The following DOT1L variants were observed in gnomAD, a reference collection of about 807,000 sequenced individuals.
The protein encoded by DOT1L is DOT1 like histone lysine methyltransferase, also known as histone-lysine N-methyltransferase, H3 lysine-79 specific.
In DOT1L, 33 loss-of-function variants were observed where a neutral mutation model predicts 153.3. The observed-to-expected ratio is 0.22, with a 90% CI of 0.16 to 0.29. The LOEUF (loss-of-function observed/expected upper bound fraction) is 0.29. DOT1L is among the 10% of genes least tolerant of loss of function. The pLI is 1.00. For synonymous variants in DOT1L, 1,135 were observed against 965.1 expected, an observed-to-expected ratio of 1.18 and a Z score of -3.26; for missense variants, 1,847 against 2,119.9, an observed-to-expected ratio of 0.87 and a Z score of 2.53.
intron 6 of DOT1L, 46 bp from the exon 7 acceptor site, chr19:2,194,469 C>A: frequency 1.2e-6 from 2 of 1,612,244 alleles, no homozygotes; most frequent in Non-Finnish European, 1.7e-6. Context: ...CCGCGCCTGG[C>A]TTGCCCTGAG....
In DOT1L at chr19:2,222,400, G is replaced by T. The variant is rs759288809; in HGVS notation, c.3231G>T (p.Pro1077=). The T allele has an allele frequency of 6.2e-7, 1 of 1,611,000 alleles. No homozygotes were observed. Among genetic ancestry groups the T allele is most frequent in the Admixed American group, 1.7e-5 (1 of 59,866 alleles). The change falls in exon 24 of 28, where the codon CCG becomes CCT. Residue 1077 remains proline, a synonymous_variant. Transcript: ENST00000398665. The surrounding 1 kb of genome is among the most constrained non-coding windows in gnomAD (Gnocchi z 6.5). ...CCAGCGCCCGTGGGGACTGTGTGCCGAGCCACGGGCAGGACAGTCGCAGGC... is the reference window on the plus strand; with the variant it reads ...CCAGCGCCCGTGGGGACTGTGTGCCTAGCCACGGGCAGGACAGTCGCAGGC... The part of the protein sequence containing the change: ...LTASARGDCV[P]SHGQDSRRRG...
Position 2,232,219 on chromosome 19 carries a change from A to G in DOT1L, c.*2427A>G. Reference sequence around the variant, plus strand: ...TTGCTCAGGAATTGATAGGAACCCTAAAAACTAGGATACCCCCTCCTCGGC... The same window carrying G: ...TTGCTCAGGAATTGATAGGAACCCTGAAAACTAGGATACCCCCTCCTCGGC... On this transcript the variant is annotated 3_prime_UTR_variant, in exon 28 of 28. Coordinates refer to ENST00000398665, the MANE Select transcript of DOT1L (RefSeq NM_032482.3). The G allele has an allele frequency of 4.5e-6, 1 of 220,154 alleles. No individual in the cohort carries two copies. The highest frequency in any genetic ancestry group is 9.1e-6 in the Non-Finnish European group (1 of 109,922). 13.6% of individuals were successfully genotyped at this position (220,154 alleles called of 1,614,324 possible).
chr19:2,226,367 C>T lies in DOT1L; in HGVS notation c.3846C>T (p.Pro1282=). 1 of 1,593,340 alleles carries T rather than the reference C, an allele frequency of 6.3e-7. No homozygotes were observed. The highest frequency in any genetic ancestry group is 8.5e-7 in the Non-Finnish European group (1 of 1,171,932). ...LFTFRPALEE[P]SADAKLAAHP... is the part of the protein sequence containing the mutation. The stretch of plus-strand genomic sequence containing the variant: ...CGTTCCGGCCCGCCCTGGAGGAGCC[C>T]TCTGCCGATGCCAAGCTGGCCGCTC... Residue 1282 remains proline, a synonymous_variant, in exon 27 of 28, where the codon CCC becomes CCT. Transcript: ENST00000398665.
At chr19:2,164,622 A>T (rs1168911525) in intron 1 of DOT1L, among the ~76,000 whole-genome samples, 5 of 132,804 alleles carry the variant, frequency 3.8e-5, no homozygotes, top group Non-Finnish European at 7.9e-5. Flanking sequence ...CGGCGCTGTC[A>T]GTGTGTCCGC....
At chr19:2,173,056 C>G (rs181845527) in intron 1 of DOT1L, among the ~76,000 whole-genome samples, 1 of 152,234 alleles carries the variant, frequency 6.6e-6, no homozygotes, top group Admixed American at 6.5e-5. Flanking sequence ...GCAGTCGTCA[C>G]CATTGTCTAA....
At chr19:2,211,050 C>T (rs779883975) in intron 14 of DOT1L, 49 bp from the exon 15 acceptor site, 4 of 1,570,302 alleles carry the variant, frequency 2.5e-6, no homozygotes, top group South Asian at 2.3e-5. Flanking sequence ...CCTCTGCCCA[C>T]CGCTCTCCCG....
chr19:2,221,431 G>T (rs73516526), intron 23 of DOT1L: 18,811 of 153,674 alleles, frequency 0.12, 1,448 homozygotes, highest in East Asian at 0.27. Context: ...GCCTTGCTGC[G>T]CCCCTGCACT....
intron 22 of DOT1L, among the ~76,000 whole-genome samples, chr19:2,218,601 G>C (rs549582248): frequency 1.3e-5 from 2 of 151,938 alleles, no homozygotes; most frequent in East Asian, 3.9e-4. Context: ...CACCGTGTTA[G>C]CCAGGATGGT....
rs78147107 is a variant in DOT1L at position 2,222,891 on chromosome 19, A to C, written c.3390+332A>C. Reference sequence around the variant, plus strand: ...CTCCCTCTCGGGGGGACAAAAAAAAACACAAAAAAAAACAGGTGGAGGCAG... The same window carrying C: ...CTCCCTCTCGGGGGGACAAAAAAAACCACAAAAAAAAACAGGTGGAGGCAG... On this transcript the variant is annotated intron_variant, in intron 24 of 27. Transcript: ENST00000398665. The surrounding 1 kb of genome is among the most constrained non-coding windows in gnomAD (Gnocchi z 6.5). 18,833 of 380,568 alleles carry C rather than the reference A, an allele frequency of 0.049. 682 individuals carry two copies. The highest frequency in any genetic ancestry group is 0.064 in the Non-Finnish European group (13,484 of 211,652). The allele number at this position is 380,568 out of a possible 1,614,324, so 23.6% of individuals were successfully genotyped here.
chr19:2,212,209 C>CTGGAGTGCAG (rs1290664662), intron 16 of DOT1L: 1 of 187,144 alleles, frequency 5.3e-6, no homozygotes, highest in Non-Finnish European at 1.1e-5. Flanking sequence ...TCGGCAGGGG[C>CTGGAGTGCAG]TGGAGTGCAG....
rs955923928 is a variant in DOT1L at position 2,198,868 on chromosome 19, TGTG to T, written c.652-1014_652-1012del. ...TGGCGTCCTCAAGGTGCATCCGCGA[TGTG>T]GCCTGGGTTGGAGCCTGGCTCCTGT... On this transcript the variant is annotated intron_variant, in intron 7 of 27. Coordinates refer to ENST00000398665, the MANE Select transcript of DOT1L (RefSeq NM_032482.3). 2.8e-4 allele frequency among the ~76,000 whole-genome samples: 42 copies of T among 152,324 alleles called. 1 individual carries two copies. The highest frequency in any genetic ancestry group is 9.9e-4 in the African/African-American group (41 of 41,580).
intron 25 of DOT1L, among the ~76,000 whole-genome samples, chr19:2,223,843 C>T (rs1190364682): frequency 6.6e-6 from 1 of 152,218 alleles, no homozygotes; most frequent in Non-Finnish European, 1.5e-5. Context: ...ATAAAATTCA[C>T]ATATCGTATT....
At chr19:2,186,632 A>G (rs1191212815) in intron 3 of DOT1L, among the ~76,000 whole-genome samples, 1 of 152,172 alleles carries the variant, frequency 6.6e-6, no homozygotes, top group Non-Finnish European at 1.5e-5. Flanking sequence ...CCTCACTGGC[A>G]TGTGGGAGGG....
Position 2,222,207 on chromosome 19 carries a change from G to T in DOT1L, c.3038G>T (p.Gly1013Val), listed in dbSNP as rs771697307. The change falls in exon 24 of 28, where the codon GGT (glycine) becomes GTT (valine). Residue 1013 changes from glycine to valine, a missense_variant. Transcript: ENST00000398665. This position sits in a 1 kb window ranked among gnomAD's most constrained non-coding sequence, Gnocchi z 6.5. Reference sequence around the variant, plus strand: ...CAGCTCTCCTCCAGTCCCCGGCTTGGTGGGGCCGCCCAGGGCCCGTTGCCC... The same window carrying T: ...CAGCTCTCCTCCAGTCCCCGGCTTGTTGGGGCCGCCCAGGGCCCGTTGCCC... ...AHQLSSSPRL[G>V]GAAQGPLPEA... is the part of the protein sequence containing the mutation. The T allele has an allele frequency of 1.2e-6, 2 of 1,612,970 alleles. No individual in the cohort carries two copies. The highest frequency in any genetic ancestry group is 8.5e-7 in the Non-Finnish European group (1 of 1,179,848).
At chr19:2,202,867 G>A in intron 9 of DOT1L, 88 bp downstream of exon 9, 1 of 1,390,660 alleles carries the variant, frequency 7.2e-7, no homozygotes, top group South Asian at 1.2e-5. Flanking sequence ...CCTGCAGAAG[G>A]CAGCTCAGAC....
Position 2,191,184 on chromosome 19 carries a change from A to G in DOT1L, c.437A>G (p.Gln146Arg), listed in dbSNP as rs955448796. ...GAGACCTCCTTCGACCTGGTGGCCC[A>G]GATGATTGATGAGATCAAGATGACC... ...YGETSFDLVA[Q>R]MIDEIKMTDD... The change falls in exon 5 of 28, where the codon CAG becomes CGG. Residue 146 changes from glutamine (Q) to arginine (R), a missense_variant. By Grantham distance (43) the Gln-to-Arg change is conservative. Around this residue, in one of 8 missense-constraint regions of DOT1L, gnomAD observed 148 missense variants for 422.3 expected, o/e 0.35. Coordinates refer to ENST00000398665, the MANE Select transcript of DOT1L (RefSeq NM_032482.3). This position sits in a 1 kb window ranked among gnomAD's most constrained non-coding sequence, Gnocchi z 6.8. 1.2e-6 allele frequency: 2 copies of G among 1,613,376 alleles called. No homozygotes were observed. The highest frequency in any genetic ancestry group is 1.3e-5 in the African/African-American group (1 of 74,684).
At chr19:2,167,611 G>A (rs997349139) in intron 1 of DOT1L, among the ~76,000 whole-genome samples, 1 of 152,176 alleles carries the variant, frequency 6.6e-6, no homozygotes, top group Non-Finnish European at 1.5e-5. Flanking sequence ...ATCTTCATTC[G>A]CCCAAGTGCC....
Position 2,216,667 on chromosome 19 carries a change from C to T in DOT1L, c.2310C>T (p.Asp770=), listed in dbSNP as rs1179273862. 1.9e-6 allele frequency: 3 copies of T among 1,604,294 alleles called. No homozygotes were observed. The South Asian group carries it at 3.3e-5, about 18-fold the overall frequency. ...AGCTGTCTGGCCTAGCCGCACCCGA[C>T]TACACTAGGCTGTCCCCGGCCAAGA... The part of the protein sequence containing the change: ...LEKLSGLAAP[D]YTRLSPAKIV... Residue 770 remains aspartate, a synonymous_variant, in exon 20 of 28, where the codon GAC becomes GAT. Transcript: ENST00000398665.
rs763754900 is a variant in DOT1L, at chr19:2,180,700, C to G, written c.82-13C>G. The stretch of plus-strand genomic sequence containing the variant: ...GGATGGCTCTGCGTCTCAAACTTCT[C>G]TCTCTGTTTCAGGATAAACATCACG... On this transcript the variant is annotated splice_polypyrimidine_tract_variant and intron_variant, in intron 1 of 27. Coordinates refer to ENST00000398665, the MANE Select transcript of DOT1L (RefSeq NM_032482.3). The G allele has an allele frequency of 6.2e-7, 1 of 1,614,016 alleles. No homozygotes were observed. The highest frequency in any genetic ancestry group is 8.5e-7 in the Non-Finnish European group (1 of 1,180,002).
Sources: gnomAD v4.1 joint callset for allele counts (sites outside exome capture counted in the v4.1 genomes callset) on GRCh38, gnomAD v4.1.1 for gene constraint, gnomAD v4.1.1 regional missense constraint, Gnocchi (gnomAD v3.1) non-coding constraint, MANE v1.5 for transcripts, NCBI Gene and HGNC (gene_info 2026-07-23, HGNC 2026-07-21) for gene names.